Variants in EXOC4 observed in about 807,000 individuals in gnomAD.
The protein encoded by EXOC4 is exocyst complex component 4.
EXOC4 carries 71 observed loss-of-function variants against 107.2 expected under a neutral mutation model. The observed-to-expected ratio is 0.66, with a 90% CI of 0.55 to 0.81. The LOEUF is 0.81. Among genes scored for constraint, EXOC4 ranks in the 30% least tolerant of loss-of-function variants. The pLI, the probability that EXOC4 is intolerant of heterozygous loss-of-function variation, is 0.00. For missense variants in EXOC4, 1,108 were observed against 1,189.6 expected (o/e 0.93, Z 1.01); for synonymous variants, 456 against 441.2 (o/e 1.03, Z -0.42).
intron 10 of EXOC4, among the ~76,000 whole-genome samples, chr7:133,789,160 C>T (rs191992443): frequency 6.6e-6 from 1 of 152,260 alleles, no homozygotes; most frequent in Admixed American, 6.5e-5. Flanking sequence ...CAATTCTTCA[C>T]CATGCCCTAT....
chr7:133,517,552 T>C (rs958883514), intron 9 of EXOC4, among the ~76,000 whole-genome samples: 10 of 152,080 alleles, frequency 6.6e-5, no homozygotes, highest in African/African-American at 2.4e-4. Flanking sequence ...CAATCATGGC[T>C]GAAGGTGAAA....
Position 133,749,516 on chromosome 7 carries a change from C to T in EXOC4, c.1515-67809C>T, listed in dbSNP as rs568380189. Among the ~76,000 whole-genome samples, 9 of 152,166 alleles carry T rather than the reference C, an allele frequency of 5.9e-5. No homozygotes were observed. The South Asian group carries it at 1.7e-3, about 28-fold the overall frequency. ...CAAGTGATTCTCATATCTCAGCCTC[C>T]GGAGTAGCTGAGACTACAGGGGCGC... On this transcript the variant is annotated intron_variant, in intron 10 of 17. Transcript: ENST00000253861.
At chr7:133,403,760 T>A (rs1584889391) in intron 7 of EXOC4, among the ~76,000 whole-genome samples, 2 of 152,128 alleles carry the variant, frequency 1.3e-5, no homozygotes, top group East Asian at 3.9e-4. Flanking sequence ...CAAGATCCCA[T>A]CTCTAAAAAA....
chr7:133,932,561 T>A (rs1050361314), intron 13 of EXOC4, among the ~76,000 whole-genome samples: 3 of 152,138 alleles, frequency 2.0e-5, no homozygotes, highest in African/African-American at 7.2e-5. Flanking sequence ...CTCTATACTA[T>A]CTCCAAATAT....
chr7:134,032,246 C>T (rs985134686), intron 17 of EXOC4, among the ~76,000 whole-genome samples: 1 of 152,182 alleles, frequency 6.6e-6, no homozygotes, highest in Admixed American at 6.5e-5. Flanking sequence ...ATATATTACA[C>T]TAAAGCATTC....
At chr7:133,798,770 GT>G (rs1253147399) in intron 10 of EXOC4, among the ~76,000 whole-genome samples, 1 of 152,010 alleles carries the variant, frequency 6.6e-6, no homozygotes, top group Non-Finnish European at 1.5e-5. Context: ...GGCACACTGT[GT>G]TAGGAACCAT....
the EXOC4 span, among the ~76,000 whole-genome samples, chr7:134,073,464 C>T: frequency 6.6e-6 from 1 of 151,754 alleles, no homozygotes; most frequent in South Asian, 2.1e-4. Context: ...TCGTTGCCTG[C>T]CAGCATATTA....
chr7:133,974,342 A>G (rs1793779612), intron 14 of EXOC4, among the ~76,000 whole-genome samples: 1 of 152,258 alleles, frequency 6.6e-6, no homozygotes, highest in South Asian at 2.1e-4. Context: ...AATGACATTT[A>G]TTAAAATGAA....
At chr7:133,748,859 G>A (rs1469820641) in intron 10 of EXOC4, among the ~76,000 whole-genome samples, 1 of 152,166 alleles carries the variant, frequency 6.6e-6, no homozygotes, top group African/African-American at 2.4e-5. Context: ...CATGTTATTT[G>A]CACAGTCTAG....
chr7:133,585,362 C>G (rs193030390), intron 9 of EXOC4, among the ~76,000 whole-genome samples: 1 of 152,184 alleles, frequency 6.6e-6, no homozygotes, highest in African/African-American at 2.4e-5. Flanking sequence ...TTTCTGATCT[C>G]GGTCCCTTTT....
chr7:134,081,460 C>T, the EXOC4 span, among the ~76,000 whole-genome samples: 1 of 151,604 alleles, frequency 6.6e-6, no homozygotes, highest in African/African-American at 2.4e-5. Flanking sequence ...TTCTGTATAA[C>T]TCAATCATTA....
chr7:133,655,456 T>C (rs1246852443), intron 10 of EXOC4, among the ~76,000 whole-genome samples: 1 of 152,248 alleles, frequency 6.6e-6, no homozygotes, highest in Non-Finnish European at 1.5e-5. Flanking sequence ...TCTGATTCTT[T>C]CATAATGACA....
At chr7:133,591,858 G>GT (rs1376907687) in intron 9 of EXOC4, among the ~76,000 whole-genome samples, 1 of 152,118 alleles carries the variant, frequency 6.6e-6, no homozygotes, top group Non-Finnish European at 1.5e-5. Context: ...TGGCAACAAG[G>GT]TGGATACAGG....
At chr7:133,734,463 G>A (rs1229044947) in intron 10 of EXOC4, among the ~76,000 whole-genome samples, 1 of 151,240 alleles carries the variant, frequency 6.6e-6, no homozygotes, top group Non-Finnish European at 1.5e-5. Flanking sequence ...TGGTTATGAG[G>A]TTGAAACTTT....
At chr7:133,461,968 G>T (rs73724594) in intron 7 of EXOC4, among the ~76,000 whole-genome samples, 56 of 152,284 alleles carry the variant, frequency 3.7e-4, no homozygotes, top group African/African-American at 1.3e-3. Flanking sequence ...ATAGTTGACA[G>T]TCGAGATAGA....
At chr7:133,617,649 A>G (rs1004791788) in intron 9 of EXOC4, among the ~76,000 whole-genome samples, 1 of 152,124 alleles carries the variant, frequency 6.6e-6, no homozygotes, top group South Asian at 2.1e-4. Context: ...CATCATCTAC[A>G]TAAAGCATAT....
chr7:133,289,345 G>A (rs1794353714), intron 3 of EXOC4, among the ~76,000 whole-genome samples: 1 of 152,192 alleles, frequency 6.6e-6, no homozygotes, highest in South Asian at 2.1e-4. Context: ...AAATATAATA[G>A]TAAGAAACCA....
At chr7:133,736,001 A>G (rs1254988748) in intron 10 of EXOC4, among the ~76,000 whole-genome samples, 1 of 151,978 alleles carries the variant, frequency 6.6e-6, no homozygotes, top group African/African-American at 2.4e-5. Flanking sequence ...GAGGTGGAGG[A>G]TTGCTGGAGC....
chr7:133,264,072 A>G (rs1793653291), intron 1 of EXOC4, among the ~76,000 whole-genome samples: 1 of 152,228 alleles, frequency 6.6e-6, no homozygotes, highest in Non-Finnish European at 1.5e-5. Context: ...CAAAAGAAGT[A>G]GAAAAAGAGG....
Sources: allele counts gnomAD v4.1 joint callset (sites outside exome capture counted in the v4.1 genomes callset), GRCh38; gene constraint gnomAD v4.1.1; transcripts MANE v1.5; gene names NCBI Gene and HGNC (gene_info 2026-07-23, HGNC 2026-07-21).